The following RORA variants were observed in gnomAD, a reference collection of about 807,000 sequenced individuals.
RORA encodes the protein RAR related orphan receptor A.
Under a neutral mutation model 69.5 loss-of-function variants are expected in RORA, and 7 were observed. The ratio of observed to expected loss-of-function variants is 0.10; its 90% confidence interval spans 0.06 to 0.19. The LOEUF is 0.19. Ranked by LOEUF, RORA falls within the 10% of genes least tolerant of loss-of-function variation. RORA has a pLI of 1.00. For synonymous variants in RORA, 261 were observed against 240.8 expected (o/e 1.08, Z -0.78); for missense variants, 457 against 663.0 (o/e 0.69, Z 3.41).
intron 1 of RORA, among the ~76,000 whole-genome samples, chr15:61,144,647 T>C (rs1321091840): frequency 6.6e-6 from 1 of 152,192 alleles, no homozygotes; most frequent in African/African-American, 2.4e-5. Flanking sequence ...GATAACATGG[T>C]TGGCAACAGA....
At chr15:60,983,585 T>G (rs1167117382) in intron 1 of RORA, among the ~76,000 whole-genome samples, 1 of 152,212 alleles carries the variant, frequency 6.6e-6, no homozygotes, top group Non-Finnish European at 1.5e-5. Context: ...ATCTACATAA[T>G]AAGAACCTTG....
chr15:60,520,815 T>C (rs2066139660), intron 3 of RORA, among the ~76,000 whole-genome samples: 1 of 152,146 alleles, frequency 6.6e-6, no homozygotes, highest in Non-Finnish European at 1.5e-5. Flanking sequence ...AGCTAACAAA[T>C]TACTTGGCTG....
intron 2 of RORA, among the ~76,000 whole-genome samples, chr15:60,587,463 A>T (rs956241508): frequency 8.5e-5 from 13 of 152,170 alleles, no homozygotes; most frequent in Admixed American, 7.9e-4. Context: ...GAAGATAGAA[A>T]TTAGGGTTGT....
intron 1 of RORA, among the ~76,000 whole-genome samples, chr15:61,145,706 G>C (rs903629587): frequency 1.3e-5 from 2 of 152,140 alleles, no homozygotes; most frequent in African/African-American, 4.8e-5. Context: ...TTTCCTAAAA[G>C]AGAATTCAAA....
chr15:60,976,161 T>C (rs1385634139), intron 1 of RORA, among the ~76,000 whole-genome samples: 12 of 151,924 alleles, frequency 7.9e-5, no homozygotes, highest in Admixed American at 7.2e-4. Context: ...TGGCTCGGAG[T>C]GCGTGGGCCT....
intron 1 of RORA, among the ~76,000 whole-genome samples, chr15:61,194,801 G>A (rs1224925676): frequency 1.3e-5 from 2 of 152,146 alleles, no homozygotes; most frequent in Non-Finnish European, 2.9e-5. Context: ...GCCTGGGTTT[G>A]TATTCCAGTC....
chr15:60,872,383 T>G (rs2073567033), intron 1 of RORA, among the ~76,000 whole-genome samples: 1 of 152,164 alleles, frequency 6.6e-6, no homozygotes, highest in Non-Finnish European at 1.5e-5. Context: ...TGAGCCATGA[T>G]CCGCAGGCAA....
At chr15:60,650,429 C>A (rs1432220471) in intron 2 of RORA, among the ~76,000 whole-genome samples, 1 of 152,150 alleles carries the variant, frequency 6.6e-6, no homozygotes, top group Non-Finnish European at 1.5e-5. Flanking sequence ...GAAAAGTTGG[C>A]CTGAAAATCC....
intron 1 of RORA, among the ~76,000 whole-genome samples, chr15:60,977,740 C>A (rs8032372): frequency 0.21 from 32,348 of 152,110 alleles, 3,667 homozygotes; most frequent in African/African-American, 0.27. Flanking sequence ...GCTTCTTTCT[C>A]TTAGCATAAT....
At chr15:60,934,300 G>A (rs922702830) in intron 1 of RORA, among the ~76,000 whole-genome samples, 1 of 152,182 alleles carries the variant, frequency 6.6e-6, no homozygotes, top group Non-Finnish European at 1.5e-5. Context: ...CATTGCTAAA[G>A]TTCTCTTTTC....
At chr15:60,624,349 C>T (rs1408766286) in intron 2 of RORA, among the ~76,000 whole-genome samples, 3 of 150,630 alleles carry the variant, frequency 2.0e-5, no homozygotes, top group Non-Finnish European at 4.4e-5. Context: ...GAGACTTAGA[C>T]CATAGAGAGT....
intron 5 of RORA, among the ~76,000 whole-genome samples, chr15:60,508,774 T>A (rs1361589927): frequency 6.6e-6 from 1 of 152,214 alleles, no homozygotes; most frequent in East Asian, 1.9e-4. Context: ...ATTTCTTGTC[T>A]CATGCTTTGC....
chr15:60,844,780 C>T (rs1163375682), intron 1 of RORA, among the ~76,000 whole-genome samples: 3 of 152,156 alleles, frequency 2.0e-5, no homozygotes, highest in African/African-American at 7.2e-5. Flanking sequence ...GGTTTAATGC[C>T]TTCTTGCCTC....
At chr15:60,716,780 C>A (rs1003501311) in intron 1 of RORA, among the ~76,000 whole-genome samples, 1 of 152,144 alleles carries the variant, frequency 6.6e-6, no homozygotes, top group Non-Finnish European at 1.5e-5. Flanking sequence ...TCCATAAAAA[C>A]CCAGGAGGGC....
intron 1 of RORA, among the ~76,000 whole-genome samples, chr15:61,222,719 G>A (rs1202993842): frequency 1.3e-5 from 2 of 152,232 alleles, no homozygotes; most frequent in Admixed American, 1.3e-4. Context: ...TTCTGATGGT[G>A]TGGTTCCAGG....
chr15:60,717,108 A>T (rs1567167221), intron 1 of RORA, among the ~76,000 whole-genome samples: 1 of 152,134 alleles, frequency 6.6e-6, no homozygotes, highest in Non-Finnish European at 1.5e-5. Flanking sequence ...AACCTGTGGG[A>T]TCTGACAATA....
At chr15:60,869,979 T>C (rs1289561610) in intron 1 of RORA, among the ~76,000 whole-genome samples, 2 of 152,234 alleles carry the variant, frequency 1.3e-5, no homozygotes, top group Non-Finnish European at 2.9e-5. Flanking sequence ...TTTGTGTTCC[T>C]TGGTTGCCTG....
At position 60,500,999 on chromosome 15, in the gene RORA, A is replaced by G; in HGVS notation, c.1254T>C (p.Asp418=). The change falls in exon 9 of 11, where the codon GAT becomes GAC. Residue 418 remains aspartate, a synonymous_variant. Transcript: ENST00000335670. ...KSLCSMHLTE[D]EIALFSAFVL... is the part of the protein sequence containing the mutation. ...CAAATGCAGAAAATAATGCAATTTC[A>G]TCTTCAGTCAGGTGCATAGAACATA... 1.2e-6 allele frequency: 2 copies of G among 1,609,800 alleles called. No homozygotes were observed. Among genetic ancestry groups the G allele is most frequent in the Non-Finnish European group, 1.7e-6 (2 of 1,176,364 alleles).
At chr15:61,077,772 C>T (rs1259526506) in intron 1 of RORA, among the ~76,000 whole-genome samples, 9 of 152,220 alleles carry the variant, frequency 5.9e-5, no homozygotes, top group Non-Finnish European at 1.5e-5. Context: ...TCCCATCTCA[C>T]TCCATCCAGA....
Sources: gnomAD v4.1 joint callset for allele counts (sites outside exome capture counted in the v4.1 genomes callset) on GRCh38, gnomAD v4.1.1 for gene constraint, MANE v1.5 for transcripts, NCBI Gene and HGNC (gene_info 2026-07-23, HGNC 2026-07-21) for gene names.